The following SLC38A12 variants were observed in gnomAD, a reference collection of about 807,000 sequenced individuals.
SLC38A12 encodes solute carrier family 38 member 12, also known as putative sodium-coupled neutral amino acid transporter 12.
At chr17:74,809,485 G>A in the SLC38A12 span, among the ~76,000 whole-genome samples, 5 of 152,158 alleles carry the variant, frequency 3.3e-5, no homozygotes, top group Admixed American at 6.5e-5. Context: ...CTTTCTCGGA[G>A]CCCGCACAGG....
chr17:74,836,282 C>T, the SLC38A12 span: 1 of 1,612,234 alleles, frequency 6.2e-7, no homozygotes, highest in Non-Finnish European at 8.5e-7. This position sits in a 1 kb window ranked among gnomAD's most constrained non-coding sequence, Gnocchi z 4.2. Flanking sequence ...TCTTCCCCGT[C>T]TTCACCATCA....
At chr17:74,836,586 C>G in the SLC38A12 span, 1 of 1,613,074 alleles carries the variant, frequency 6.2e-7, no homozygotes, top group Non-Finnish European at 8.5e-7. This position sits in a 1 kb window ranked among gnomAD's most constrained non-coding sequence, Gnocchi z 4.2. Flanking sequence ...GCACAGGTCC[C>G]CTTTCCGCCA....
the SLC38A12 span, chr17:74,836,031 G>T: frequency 6.2e-7 from 1 of 1,611,926 alleles, no homozygotes; most frequent in Non-Finnish European, 8.5e-7. The surrounding 1 kb of genome is among the most constrained non-coding windows in gnomAD (Gnocchi z 4.2). Context: ...CCTGTTTGGG[G>T]TGTGCGTCTA....
At chr17:74,790,211 TGAC>T in the SLC38A12 span, 208 of 1,613,860 alleles carry the variant, frequency 1.3e-4, 2 homozygotes, top group Non-Finnish European at 5.9e-6. Context: ...AGGAGGAAGA[TGAC>T]GACTCCTCCA....
the SLC38A12 span, among the ~76,000 whole-genome samples, chr17:74,803,719 C>T: frequency 2.6e-5 from 4 of 152,188 alleles, no homozygotes; most frequent in Non-Finnish European, 4.4e-5. Flanking sequence ...TCCAGTCATT[C>T]CCCTCGAGAA....
the SLC38A12 span, among the ~76,000 whole-genome samples, chr17:74,804,595 G>C: frequency 6.6e-6 from 1 of 152,236 alleles, no homozygotes; most frequent in East Asian, 1.9e-4. Flanking sequence ...TAAGCCTCAG[G>C]CACAAAAGGA....
chr17:74,780,537 G>A, the SLC38A12 span, among the ~76,000 whole-genome samples: 6 of 152,198 alleles, frequency 3.9e-5, no homozygotes, highest in African/African-American at 1.4e-4. Context: ...CTGGCCCACA[G>A]AACTGTCCCA....
the SLC38A12 span, among the ~76,000 whole-genome samples, chr17:74,810,151 C>T: frequency 6.3e-4 from 96 of 152,326 alleles, no homozygotes; most frequent in African/African-American, 2.3e-3. Flanking sequence ...TCTCCACTCA[C>T]GCATTCAGAA....
chr17:74,794,290 C>T, the SLC38A12 span, among the ~76,000 whole-genome samples: 1 of 152,230 alleles, frequency 6.6e-6, no homozygotes, highest in East Asian at 1.9e-4. Context: ...TTCCCAACTT[C>T]TCGTTCAGCC....
chr17:74,788,617 G>A, the SLC38A12 span, among the ~76,000 whole-genome samples: 1 of 152,208 alleles, frequency 6.6e-6, no homozygotes, highest in Non-Finnish European at 1.5e-5. Context: ...AGACAGCAAC[G>A]TCAAAGCATG....
At chr17:74,798,883 AAC>A in the SLC38A12 span, among the ~76,000 whole-genome samples, 3,456 of 152,294 alleles carry the variant, frequency 0.023, 130 homozygotes, top group African/African-American at 0.077. Context: ...TTTGGTAGGC[AAC>A]ACAGTCAGAA....
the SLC38A12 span, among the ~76,000 whole-genome samples, chr17:74,829,778 G>A: frequency 1.3e-5 from 2 of 152,180 alleles, no homozygotes; most frequent in Non-Finnish European, 1.5e-5. This position sits in a 1 kb window ranked among gnomAD's most constrained non-coding sequence, Gnocchi z 4.1. Flanking sequence ...GGCCTGGAGA[G>A]CTCTGGCCCC....
chr17:74,795,985 C>A, the SLC38A12 span, among the ~76,000 whole-genome samples: 2 of 152,158 alleles, frequency 1.3e-5, no homozygotes, highest in Non-Finnish European at 2.9e-5. Flanking sequence ...CGAAACTTTC[C>A]ATATTTTGAC....
chr17:74,795,081 C>T, the SLC38A12 span: 2 of 1,614,188 alleles, frequency 1.2e-6, no homozygotes, highest in Non-Finnish European at 1.7e-6. Flanking sequence ...TATGCTGCTG[C>T]CGTGCCCTTC....
chr17:74,787,980 C>G, the SLC38A12 span, among the ~76,000 whole-genome samples: 1 of 151,912 alleles, frequency 6.6e-6, no homozygotes. Context: ...ATTTTTAGTA[C>G]AGACGAAGTT....
chr17:74,839,457 A>G, the SLC38A12 span: 3 of 249,852 alleles, frequency 1.2e-5, no homozygotes, highest in Non-Finnish European at 2.3e-5. Context: ...ACCCATGGTT[A>G]AGGGCCACTG....
chr17:74,796,177 G>A, the SLC38A12 span, among the ~76,000 whole-genome samples: 2 of 152,208 alleles, frequency 1.3e-5, no homozygotes, highest in East Asian at 1.9e-4. Flanking sequence ...CCGTTGGTGG[G>A]GGGCAGGGAG....
the SLC38A12 span, among the ~76,000 whole-genome samples, chr17:74,804,779 G>A: frequency 2.0e-5 from 3 of 152,240 alleles, no homozygotes; most frequent in African/African-American, 7.2e-5. Flanking sequence ...TTGGGTGTTG[G>A]GCACTGGCTG....
the SLC38A12 span, among the ~76,000 whole-genome samples, chr17:74,809,045 G>C: frequency 6.6e-6 from 1 of 152,344 alleles, no homozygotes; most frequent in South Asian, 2.1e-4. Flanking sequence ...CCATCAAGGG[G>C]TTAGGGAGAA....
Sources: allele counts gnomAD v4.1 joint callset (sites outside exome capture counted in the v4.1 genomes callset), GRCh38; gene constraint gnomAD v4.1.1; non-coding constraint Gnocchi (gnomAD v3.1); transcripts MANE v1.5; gene names NCBI Gene and HGNC (gene_info 2026-07-23, HGNC 2026-07-21).